Variants in THBS4 observed in about 807,000 individuals in gnomAD.
THBS4 encodes the protein thrombospondin-4.
In THBS4, 90 loss-of-function variants were observed where a neutral mutation model predicts 115.7. The ratio of observed to expected loss-of-function variants is 0.78; its 90% confidence interval spans 0.66 to 0.93. The LOEUF is 0.93. Ranked by LOEUF, THBS4 falls within the 40% of genes least tolerant of loss-of-function variation. The probability of loss-of-function intolerance (pLI) is 0.00; values close to 1 mark genes in which losing one functional copy is unlikely to be tolerated. For synonymous variants in THBS4, 460 were observed against 479.3 expected (o/e 0.96, Z 0.53); for missense variants, 1,087 against 1,232.7 (o/e 0.88, Z 1.77).
intron 1 of THBS4, chr5:79,991,449 A>G: frequency 2.1e-6 from 1 of 477,360 alleles, no homozygotes; most frequent in South Asian, 4.8e-5. Context: ...CCCACCAGTA[A>G]TTCTTCAAAT....
chr5:80,082,996 C>A, intron 21 of THBS4, 84 bp from the exon 22 acceptor site: 2 of 1,282,012 alleles, frequency 1.6e-6, no homozygotes, highest in Non-Finnish European at 2.3e-6. Flanking sequence ...GCGCCCCCTA[C>A]AGGACGCCTG....
intron 1 of THBS4, among the ~76,000 whole-genome samples, chr5:79,993,786 A>G (rs1442358386): frequency 1.3e-5 from 2 of 152,208 alleles, no homozygotes; most frequent in African/African-American, 4.8e-5. Context: ...AATCTGGGAA[A>G]TGGTGCTGTT....
At chr5:80,072,086 C>A in intron 13 of THBS4, 192 bp from the exon 14 acceptor site, 1 of 616,248 alleles carries the variant, frequency 1.6e-6, no homozygotes, top group Non-Finnish European at 2.9e-6. Context: ...CGATAAATAC[C>A]TCTGAGAGCT....
intron 12 of THBS4, 72 bp downstream of exon 12, chr5:80,070,822 A>C: frequency 6.3e-7 from 1 of 1,580,254 alleles, no homozygotes; most frequent in Non-Finnish European, 8.7e-7. Flanking sequence ...TGTGATGTCA[A>C]CTATGTATAT....
intron 15 of THBS4, among the ~76,000 whole-genome samples, chr5:80,075,755 A>T (rs1478704338): frequency 3.3e-5 from 5 of 152,228 alleles, no homozygotes; most frequent in African/African-American, 1.2e-4. Flanking sequence ...GCTACATAGA[A>T]CGGCTGCTAA....
At chr5:80,074,923 A>G (rs1304169300) in intron 15 of THBS4, among the ~76,000 whole-genome samples, 1 of 152,044 alleles carries the variant, frequency 6.6e-6, no homozygotes, top group Non-Finnish European at 1.5e-5. Context: ...CAAAGTACAT[A>G]TAGTCATCCC....
At chr5:79,995,205 A>G (rs529116815) in intron 1 of THBS4, among the ~76,000 whole-genome samples, 24 of 152,350 alleles carry the variant, frequency 1.6e-4, no homozygotes, top group African/African-American at 5.8e-4. Flanking sequence ...CAAATACAAT[A>G]TTAGTGGATT....
At chr5:80,073,421 T>A in intron 15 of THBS4, 94 bp downstream of exon 15, 2 of 1,125,344 alleles carry the variant, frequency 1.8e-6, no homozygotes, top group Non-Finnish European at 2.6e-6. Context: ...TCTCACTCTA[T>A]CACCCAGGCT....
At chr5:79,992,612 G>A (rs1038771017) in intron 1 of THBS4, among the ~76,000 whole-genome samples, 13 of 152,140 alleles carry the variant, frequency 8.5e-5, no homozygotes, top group South Asian at 2.1e-4. Flanking sequence ...TAAAACTGTC[G>A]AAACATTTAT....
At chr5:80,058,136 C>T (rs1330620919) in intron 3 of THBS4, 70 bp from the exon 4 acceptor site, 7 of 1,183,740 alleles carry the variant, frequency 5.9e-6, no homozygotes, top group Middle Eastern at 1.9e-4. Context: ...ATGAAAATTG[C>T]GTGAGTAGGC....
At chr5:80,055,287 A>G (rs944018541) in intron 2 of THBS4, among the ~76,000 whole-genome samples, 1 of 151,794 alleles carries the variant, frequency 6.6e-6, no homozygotes, top group Non-Finnish European at 1.5e-5. Context: ...GTCCCACTGC[A>G]CTGCAGCCTG....
rs1423307258 is a variant in THBS4 at position 80,078,080 on chromosome 5, C to A, written c.2118C>A (p.Asp706Glu). The A allele has an allele frequency of 1.9e-6, 3 of 1,602,006 alleles. No homozygotes were observed. Among genetic ancestry groups the A allele is most frequent in the East Asian group, 2.3e-5 (1 of 44,426 alleles). Residue 706 changes from aspartate to glutamate, a missense_variant, in exon 17 of 22, where the codon GAC becomes GAA. Asp to Glu is a conservative substitution (Grantham distance 45). Transcript: ENST00000350881. Reference protein sequence around the residue: ...SDGVGDICESDFDQDQVIDRI... With the variant: ...SDGVGDICESEFDQDQVIDRI... ...GAGTGGGAGACATCTGTGAGTCTGACTTTGACCAGGACCAGGTCATCGATC... is the reference window on the plus strand; with the variant it reads ...GAGTGGGAGACATCTGTGAGTCTGAATTTGACCAGGACCAGGTCATCGATC...
rs1184986376 is a variant in THBS4, at chr5:80,054,161, T to TTTC, written c.293-1622_293-1621insCTT. On this transcript the variant is annotated intron_variant, in intron 2 of 21. Coordinates refer to ENST00000350881, the MANE Select transcript of THBS4 (RefSeq NM_003248.6). ...ATGGATACCTTTTCTTTTCTTTTCTTTTTTTTTTTTTTTGAGACAGGATCG... is the reference window on the plus strand; with the variant it reads ...ATGGATACCTTTTCTTTTCTTTTCTTTTCTTTTTTTTTTTTTGAGACAGGATCG... 1.8e-4 allele frequency among the ~76,000 whole-genome samples: 27 copies of TTTC among 147,008 alleles called. 1 individual carries two copies. Among genetic ancestry groups the TTTC allele is most frequent in the Admixed American group, 1.8e-3 (26 of 14,802 alleles).
chr5:80,041,154 G>T (rs1372074023), intron 2 of THBS4, among the ~76,000 whole-genome samples: 5 of 152,086 alleles, frequency 3.3e-5, no homozygotes, highest in African/African-American at 1.2e-4. Context: ...CATACCACCC[G>T]CAGATTTGGC....
intron 2 of THBS4, among the ~76,000 whole-genome samples, chr5:80,021,274 A>C (rs1832368166): frequency 6.6e-6 from 1 of 152,212 alleles, no homozygotes; most frequent in African/African-American, 2.4e-5. Context: ...TAACCAAAGC[A>C]GTGCATCAAA....
chr5:80,059,336 A>G (rs1475988513), intron 5 of THBS4, 104 bp from the exon 6 acceptor site: 2 of 1,137,056 alleles, frequency 1.8e-6, no homozygotes, highest in African/African-American at 3.1e-5. Flanking sequence ...TCAAAAAAAA[A>G]AAAAAAAAAA....
Position 80,059,823 on chromosome 5 carries a change from C to A in THBS4, c.905C>A (p.Thr302Asn), listed in dbSNP as rs1221334637. The A allele has an allele frequency of 3.1e-6, 5 of 1,614,068 alleles. No individual in the cohort carries two copies. In the African/African-American group the frequency reaches 5.3e-5, roughly 17 times the overall value. Residue 302 changes from threonine to asparagine, a missense_variant, in exon 7 of 22, where the codon ACC becomes AAC. Physicochemically the swap from Thr to Asn is moderately conservative, Grantham distance 65. Around this residue, in one of 3 missense-constraint regions of THBS4, gnomAD observed 979 missense variants for 1,103.7 expected, o/e 0.89. Coordinates refer to ENST00000350881, the MANE Select transcript of THBS4 (RefSeq NM_003248.6). ...SNPCFRGVQC[T>N]DSRDGFQCGP... The stretch of plus-strand genomic sequence containing the variant: ...CCATGTTTCCGAGGTGTCCAATGTA[C>A]CGACAGTAGAGATGGCTTCCAGTGT...
At chr5:80,044,255 C>A (rs1832990914) in intron 2 of THBS4, among the ~76,000 whole-genome samples, 1 of 152,142 alleles carries the variant, frequency 6.6e-6, no homozygotes, top group African/African-American at 2.4e-5. Context: ...ATCTTTGCAT[C>A]TGCTGCAGCA....
At chr5:80,082,025 A>G (rs1743529133) in intron 20 of THBS4, 1 of 175,966 alleles carries the variant, frequency 5.7e-6, no homozygotes, top group Non-Finnish European at 1.2e-5. Flanking sequence ...CATGGTATCT[A>G]GACAAGGCAA....
Sources: allele counts gnomAD v4.1 joint callset (sites outside exome capture counted in the v4.1 genomes callset), GRCh38; gene constraint gnomAD v4.1.1; regional missense constraint gnomAD v4.1.1; transcripts MANE v1.5; gene names NCBI Gene and HGNC (gene_info 2026-07-23, HGNC 2026-07-21).